Variants in TARBP1 observed in about 807,000 individuals in gnomAD.
The protein encoded by TARBP1 is tRNA guanosine 2 -O-methyltransferase TARBP1.
TARBP1 carries 144 observed loss-of-function variants against 178.6 expected under a neutral mutation model. That is an observed-to-expected ratio of 0.81 (90% CI 0.70 to 0.93). The LOEUF (loss-of-function observed/expected upper bound fraction) is 0.93, where lower values mean the gene tolerates loss of function less well. TARBP1 is among the 40% of genes least tolerant of loss of function. TARBP1 has a pLI of 0.00. For missense variants in TARBP1, 2,067 were observed against 2,011.7 expected (o/e 1.03, Z -0.53); for synonymous variants, 787 against 781.0 (o/e 1.01, Z -0.13).
intron 22 of TARBP1, among the ~76,000 whole-genome samples, chr1:234,411,518 A>G (rs1265927050): frequency 6.6e-6 from 1 of 152,222 alleles, no homozygotes; most frequent in East Asian, 1.9e-4. Flanking sequence ...AGATAAGTGA[A>G]CAAGAACAAA....
chr1:234,418,374 A>C, intron 21 of TARBP1, 141 bp from the exon 22 acceptor site: 1 of 649,486 alleles, frequency 1.5e-6, no homozygotes. Context: ...AGACTCTAAA[A>C]ACTACTGATT....
In TARBP1 at chr1:234,479,175, G is replaced by GGCCGGCCCCTACGTGCGCACAGT; in HGVS notation, c.-73_-72insACTGTGCGCACGTAGGGGCCGGC. The GGCCGGCCCCTACGTGCGCACAGT allele has an allele frequency of 8.9e-6, 12 of 1,350,782 alleles. No individual in the cohort carries two copies. Among genetic ancestry groups the GGCCGGCCCCTACGTGCGCACAGT allele is most frequent in the Non-Finnish European group, 1.0e-5 (11 of 1,051,054 alleles). The allele number at this position is 1,350,782 out of a possible 1,614,324, so 83.7% of individuals were successfully genotyped here. ...CGGCGTGTGCGATGCGTGCGCACAG[G>GGCCGGCCCCTACGTGCGCACAGT]ACCGGCCGGCCCCTACGTGCGCGTG... On this transcript the variant is annotated 5_prime_UTR_variant, in exon 1 of 30. Transcript: ENST00000040877.
rs1245150553 is a variant in TARBP1, at chr1:234,457,599, A to G, written c.1722+68T>C. On this transcript the variant is annotated intron_variant, in intron 9 of 29. Coordinates refer to ENST00000040877, the MANE Select transcript of TARBP1 (RefSeq NM_005646.4). ...ATTATATTTTATATAAATGGCTACTAAGAAATTCATTAAGAAAACCATTTT... is the reference window on the plus strand; with the variant it reads ...ATTATATTTTATATAAATGGCTACTGAGAAATTCATTAAGAAAACCATTTT... 5.6e-6 allele frequency: 6 copies of G among 1,072,846 alleles called. No individual in the cohort carries two copies. In the East Asian group the frequency reaches 1.7e-4, roughly 30 times the overall value. The allele number at this position is 1,072,846 out of a possible 1,614,324, so 66.5% of individuals were successfully genotyped here.
At chr1:234,433,336 G>T in intron 14 of TARBP1, 74 bp downstream of exon 14, 1 of 1,429,266 alleles carries the variant, frequency 7.0e-7, no homozygotes, top group Non-Finnish European at 9.7e-7. Flanking sequence ...TCAAAATAGT[G>T]TATAAGAACT....
chr1:234,450,768 G>A lies in TARBP1; in HGVS notation c.1723-202C>T, dbSNP rs542300142. The stretch of plus-strand genomic sequence containing the variant: ...TATGTGTATATATATTTATGTATGC[G>A]TATATGTATGTGTGATATATATATG... On this transcript the variant is annotated intron_variant, in intron 9 of 29. Coordinates refer to ENST00000040877, the MANE Select transcript of TARBP1 (RefSeq NM_005646.4). Among the ~76,000 whole-genome samples, 6 of 138,756 alleles carry A rather than the reference G, an allele frequency of 4.3e-5. No individual in the cohort carries two copies. The East Asian group carries it at 6.4e-4, about 15-fold the overall frequency. The allele number at this position is 138,756 out of a possible 152,430, so 91.0% of individuals were successfully genotyped here. A position where few individuals can be genotyped will look rare whatever the true frequency, so the allele number is the denominator to read the frequency against.
At chr1:234,476,321 C>T (rs1177498274) in intron 1 of TARBP1, among the ~76,000 whole-genome samples, 9 of 152,190 alleles carry the variant, frequency 5.9e-5, no homozygotes, top group African/African-American at 2.2e-4. Flanking sequence ...AGAGAATGCA[C>T]TGCACTGACA....
chr1:234,472,357 A>AAAC (rs71170486), intron 2 of TARBP1, among the ~76,000 whole-genome samples: 8 of 138,958 alleles, frequency 5.8e-5, no homozygotes, highest in African/African-American at 1.1e-4. Flanking sequence ...AAAAAAAAAA[A>AAAC]CTCAAAAGTC....
chr1:234,392,496 G>A lies in TARBP1; in HGVS notation c.4617C>T (p.Thr1539=), dbSNP rs576497119. The change falls in exon 29 of 30, where the codon ACC becomes ACT. Residue 1539 remains threonine, a synonymous_variant. Transcript: ENST00000040877. ...YLQQKKTEGY[T]IIGVEQTAKS... ...TGGCAGTTTGTTCCACTCCAATGATGGTATAACCTTCTGTTTTCTTCTGCT... is the reference window on the plus strand; with the variant it reads ...TGGCAGTTTGTTCCACTCCAATGATAGTATAACCTTCTGTTTTCTTCTGCT... The A allele has an allele frequency of 6.8e-6, 11 of 1,613,912 alleles. 1 individual carries two copies. The South Asian group carries it at 1.2e-4, about 18-fold the overall frequency.
rs375398725 is a variant in TARBP1, at chr1:234,427,563, T to C, written c.3251+13A>G. 50 of 1,588,794 alleles carry C rather than the reference T, an allele frequency of 3.1e-5. No individual in the cohort carries two copies. The Middle Eastern group carries it at 8.4e-4, about 27-fold the overall frequency. On this transcript the variant is annotated intron_variant, in intron 18 of 29. Transcript: ENST00000040877. ...TACAAGTTATGACCAGTTGAAATAA[T>C]AGCATCTTTTACCTTTGATCACGCC...
At chr1:234,429,718 T>C (rs924240899) in intron 15 of TARBP1, 41 bp from the exon 16 acceptor site, 1 of 1,477,160 alleles carries the variant, frequency 6.8e-7, no homozygotes, top group African/African-American at 1.4e-5. Context: ...ACTTCCCCAA[T>C]TTGCCTCCAC....
intron 17 of TARBP1, among the ~76,000 whole-genome samples, chr1:234,428,426 T>C (rs925907404): frequency 1.3e-5 from 2 of 152,164 alleles, no homozygotes; most frequent in African/African-American, 2.4e-5. Flanking sequence ...ATGAGACTGA[T>C]TGTGGAAAGA....
In TARBP1 at chr1:234,478,766, C is replaced by T; in HGVS notation, c.338G>A (p.Arg113His). 8.7e-7 allele frequency: 1 copy of T among 1,144,374 alleles called. No individual in the cohort carries two copies. The highest frequency in any genetic ancestry group is 3.9e-5 in the South Asian group (1 of 25,438). 70.9% of individuals were successfully genotyped at this position (1,144,374 alleles called of 1,614,324 possible). ...AGCCAGCGCGGCCGCCAGCTGCGGA[C>T]GCCCGGCCAGGCGGACGCACGAGCG... ...ALRSCVRLAG[R>H]PQLAAALAEE... The change falls in exon 1 of 30, where the codon CGT (arginine) becomes CAT (histidine). Residue 113 changes from arginine (R) to histidine (H), a missense_variant. Arg to His is a conservative substitution (Grantham distance 29). Transcript: ENST00000040877.
At chr1:234,452,321 CAT>C (rs1380693518) in intron 9 of TARBP1, among the ~76,000 whole-genome samples, 2 of 152,158 alleles carry the variant, frequency 1.3e-5, no homozygotes, top group African/African-American at 4.8e-5. Flanking sequence ...TTGCAAAACA[CAT>C]ATCTGATAAA....
chr1:234,407,355 T>TTTG (rs1441525453), intron 23 of TARBP1: 2 of 151,748 alleles, frequency 1.3e-5, no homozygotes, highest in Non-Finnish European at 2.9e-5. Flanking sequence ...TTTTTTTTTT[T>TTTG]GAGATGGAGT....
chr1:234,447,394 CTTTTT>C (rs36066908), intron 11 of TARBP1, among the ~76,000 whole-genome samples: 1 of 104,622 alleles, frequency 9.6e-6, no homozygotes, highest in African/African-American at 3.7e-5. Flanking sequence ...TGTTAACCAA[CTTTTT>C]TTTTTTTTTT....
chr1:234,450,640 C>G (rs1355350220), intron 9 of TARBP1, 74 bp from the exon 10 acceptor site: 1 of 1,496,064 alleles, frequency 6.7e-7, no homozygotes, highest in East Asian at 2.4e-5. Flanking sequence ...CCTTAAGCCA[C>G]GTTTCTTTCT....
At chr1:234,440,421 T>C (rs1572330740) in intron 12 of TARBP1, among the ~76,000 whole-genome samples, 2 of 144,830 alleles carry the variant, frequency 1.4e-5, no homozygotes, top group African/African-American at 5.1e-5. Flanking sequence ...TTTGAAAAGG[T>C]CAATAAAATG....
At position 234,410,326 on chromosome 1, in the gene TARBP1, T is replaced by C. The variant is rs190999535; in HGVS notation, c.3792+119A>G. 3,307 of 595,814 alleles carry C rather than the reference T, an allele frequency of 5.6e-3. 37 individuals are homozygous for C. The highest frequency in any genetic ancestry group is 4.7e-3 in the Non-Finnish European group (1,560 of 333,284). 36.9% of individuals were successfully genotyped at this position (595,814 alleles called of 1,614,324 possible). ...ATACATGTGCACATTAGCAGGGCAGTGGAAAGGAAAGGGAAAAATTGCAAA... is the reference window on the plus strand; with the variant it reads ...ATACATGTGCACATTAGCAGGGCAGCGGAAAGGAAAGGGAAAAATTGCAAA... On this transcript the variant is annotated intron_variant, in intron 23 of 29. Coordinates refer to ENST00000040877, the MANE Select transcript of TARBP1 (RefSeq NM_005646.4).
At chr1:234,419,544 A>G (rs892804221) in intron 21 of TARBP1, among the ~76,000 whole-genome samples, 1 of 152,186 alleles carries the variant, frequency 6.6e-6, no homozygotes, top group Non-Finnish European at 1.5e-5. Flanking sequence ...GCTCCATAAC[A>G]GACTGCTAGC....
Sources: allele counts gnomAD v4.1 joint callset (sites outside exome capture counted in the v4.1 genomes callset), GRCh38; gene constraint gnomAD v4.1.1; transcripts MANE v1.5; gene names NCBI Gene and HGNC (gene_info 2026-07-23, HGNC 2026-07-21).